The following PLXNA4 variants were observed in gnomAD, a reference collection of about 807,000 sequenced individuals.
The protein encoded by PLXNA4 is plexin A4.
A neutral mutation model predicts 191.8 loss-of-function variants in PLXNA4; 44 were observed. The observed-to-expected ratio is 0.23, with a 90% CI of 0.18 to 0.29. The LOEUF (loss-of-function observed/expected upper bound fraction) is 0.29. PLXNA4 is among the 10% of genes least tolerant of loss of function. The pLI, the probability that PLXNA4 is intolerant of heterozygous loss-of-function variation, is 1.00. For missense variants in PLXNA4, 1,800 were observed against 2,488.8 expected, an observed-to-expected ratio of 0.72 and a Z score of 5.89; for synonymous variants, 1,082 against 1,009.5, an observed-to-expected ratio of 1.07 and a Z score of -1.36.
rs10259774 is a variant in PLXNA4 at position 132,180,442 on chromosome 7, T to G, written c.3639+144A>C. On this transcript the variant is annotated intron_variant, in intron 19 of 31. Coordinates refer to ENST00000321063, the MANE Select transcript of PLXNA4 (RefSeq NM_020911.2). ...GAAGAGAGAAGCTCAAAAGTGAACA[T>G]GAAGAAAGAACTTGGGGTGTGGGGT... 1,986 of 1,300,362 alleles carry G rather than the reference T, an allele frequency of 1.5e-3. 30 individuals carry two copies. In the African/African-American group the frequency reaches 0.027, roughly 18 times the overall value. 80.6% of individuals were successfully genotyped at this position (1,300,362 alleles called of 1,614,324 possible).
intron 2 of PLXNA4, among the ~76,000 whole-genome samples, chr7:132,588,439 C>T (rs1225526944): frequency 1.3e-5 from 2 of 152,066 alleles, no homozygotes; most frequent in Non-Finnish European, 2.9e-5. Context: ...AATTATGCTT[C>T]CTCCTGTACT....
At chr7:132,221,970 G>T (rs55868339) in intron 9 of PLXNA4, among the ~76,000 whole-genome samples, 19,688 of 152,196 alleles carry the variant, frequency 0.13, 1,328 homozygotes, top group Middle Eastern at 0.17. Context: ...TAGCAAGGAG[G>T]TCCAAGAATA....
intron 10 of PLXNA4, among the ~76,000 whole-genome samples, chr7:132,206,549 ATT>A (rs1359270762): frequency 6.6e-6 from 1 of 151,966 alleles, no homozygotes; most frequent in Non-Finnish European, 1.5e-5. Context: ...TGTGCTGGGC[ATT>A]TCTTTCTCTT....
intron 24 of PLXNA4, 79 bp from the exon 25 acceptor site, chr7:132,159,711 A>G: frequency 6.3e-7 from 1 of 1,579,724 alleles, no homozygotes; most frequent in Non-Finnish European, 8.6e-7. Flanking sequence ...GCACCCTGGG[A>G]TTCCGTCCTG....
At chr7:132,171,058 G>C (rs991447054) in intron 21 of PLXNA4, among the ~76,000 whole-genome samples, 1 of 152,220 alleles carries the variant, frequency 6.6e-6, no homozygotes, top group African/African-American at 2.4e-5. Context: ...CTTGCCATCA[G>C]CCCGGGCCTC....
intron 2 of PLXNA4, among the ~76,000 whole-genome samples, chr7:132,608,672 C>T (rs958867145): frequency 6.6e-6 from 1 of 152,138 alleles, no homozygotes; most frequent in African/African-American, 2.4e-5. Context: ...TTCCATTCAA[C>T]CCCTCCCAGC....
chr7:132,616,100 G>T (rs1031652175), intron 2 of PLXNA4, among the ~76,000 whole-genome samples: 4 of 152,006 alleles, frequency 2.6e-5, no homozygotes, highest in Non-Finnish European at 5.9e-5. Flanking sequence ...CAAACTCCCT[G>T]GTCATGCTTT....
At chr7:132,141,392 A>G (rs907157957) in intron 29 of PLXNA4, among the ~76,000 whole-genome samples, 10 of 151,964 alleles carry the variant, frequency 6.6e-5, no homozygotes, top group African/African-American at 2.4e-4. Context: ...GAAAACCCAC[A>G]TTCACCCACC....
intron 3 of PLXNA4, among the ~76,000 whole-genome samples, chr7:132,361,147 T>C (rs1803924990): frequency 6.6e-6 from 1 of 152,060 alleles, no homozygotes; most frequent in Admixed American, 6.6e-5. Context: ...TGTGAACTCA[T>C]GGGGTACTTT....
chr7:132,303,534 A>T (rs183247175), intron 3 of PLXNA4, among the ~76,000 whole-genome samples: 1 of 152,234 alleles, frequency 6.6e-6, no homozygotes, highest in East Asian at 1.9e-4. Flanking sequence ...GTGCTACTGC[A>T]CTCCAGCCTG....
chr7:132,541,093 G>A (rs898777497), intron 1 of PLXNA4, among the ~76,000 whole-genome samples: 1 of 152,192 alleles, frequency 6.6e-6, no homozygotes, highest in African/African-American at 2.4e-5. Flanking sequence ...GAGAGCCAGA[G>A]GGGAGAAAAG....
intron 4 of PLXNA4, among the ~76,000 whole-genome samples, chr7:132,241,659 C>G (rs1798884347): frequency 6.6e-6 from 1 of 152,176 alleles, no homozygotes; most frequent in Non-Finnish European, 1.5e-5. Flanking sequence ...TAGTCTGAGA[C>G]CAAGACCCTT....
intron 21 of PLXNA4, among the ~76,000 whole-genome samples, chr7:132,171,006 T>C (rs1796269716): frequency 1.3e-5 from 2 of 151,968 alleles, no homozygotes; most frequent in Admixed American, 1.3e-4. Context: ...CTCCCCCAGT[T>C]CTCCCCACCA....
At chr7:132,139,334 A>C (rs1169108579) in intron 30 of PLXNA4, among the ~76,000 whole-genome samples, 1 of 152,210 alleles carries the variant, frequency 6.6e-6, no homozygotes, top group Admixed American at 6.5e-5. Flanking sequence ...GCAATTTTCA[A>C]GTATAAAGAC....
At chr7:132,256,468 C>T (rs1487742019) in intron 4 of PLXNA4, among the ~76,000 whole-genome samples, 4 of 152,100 alleles carry the variant, frequency 2.6e-5, no homozygotes, top group Non-Finnish European at 4.4e-5. Context: ...ACCATGCCAC[C>T]GTTTGCTGAG....
At position 132,435,624 on chromosome 7, in the gene PLXNA4, G is replaced by A. The variant is rs114236107; in HGVS notation, c.1371+53668C>T. 4.4e-3 allele frequency among the ~76,000 whole-genome samples: 665 copies of A among 152,234 alleles called. 4 individuals are homozygous for A. Among genetic ancestry groups the A allele is most frequent in the African/African-American group, 0.015 (620 of 41,536 alleles). On this transcript the variant is annotated intron_variant, in intron 3 of 31. Transcript: ENST00000321063. ...GAGTCAGAGATACAGCCGGACATCC[G>A]GGGGGTTGTCTGTGGATGTTTGCTG...
intron 30 of PLXNA4, among the ~76,000 whole-genome samples, chr7:132,136,557 C>G (rs544798437): frequency 6.6e-6 from 1 of 152,168 alleles, no homozygotes; most frequent in Non-Finnish European, 1.5e-5. Flanking sequence ...CCTCTGGGAG[C>G]AGCCATAAAG....
At chr7:132,378,199 G>A (rs1000773126) in intron 3 of PLXNA4, among the ~76,000 whole-genome samples, 5 of 152,176 alleles carry the variant, frequency 3.3e-5, no homozygotes, top group Admixed American at 3.3e-4. Flanking sequence ...TGGCAGCTTG[G>A]TGTTTCATGC....
chr7:132,448,045 A>G (rs1468040582), intron 3 of PLXNA4, among the ~76,000 whole-genome samples: 1 of 152,080 alleles, frequency 6.6e-6, no homozygotes, highest in Non-Finnish European at 1.5e-5. Flanking sequence ...CCTCAAACAA[A>G]AAAAACGTAT....
Sources: allele counts gnomAD v4.1 joint callset (sites outside exome capture counted in the v4.1 genomes callset), GRCh38; gene constraint gnomAD v4.1.1; transcripts MANE v1.5; gene names NCBI Gene and HGNC (gene_info 2026-07-23, HGNC 2026-07-21).